Variants in CTNNA2 observed in about 807,000 individuals in gnomAD.
CTNNA2 encodes the protein catenin alpha-2.
CTNNA2 carries 42 observed loss-of-function variants against 101.0 expected under a neutral mutation model. That is an observed-to-expected ratio of 0.42 (90% CI 0.32 to 0.54). CTNNA2 has a LOEUF of 0.54. Ranked by LOEUF, CTNNA2 falls within the 20% of genes least tolerant of loss-of-function variation. The pLI is 0.14. For synonymous variants in CTNNA2, 450 were observed against 456.4 expected (o/e 0.99, Z 0.18); for missense variants, 871 against 1,223.1 (o/e 0.71, Z 4.29).
intron 2 of CTNNA2, among the ~76,000 whole-genome samples, chr2:79,656,109 A>T (rs1161340938): frequency 6.6e-6 from 1 of 152,164 alleles, no homozygotes; most frequent in African/African-American, 2.4e-5. Context: ...AAAATTAAAT[A>T]TGTGAATTTT....
intron 2 of CTNNA2, among the ~76,000 whole-genome samples, chr2:79,678,642 C>T (rs1164353876): frequency 1.3e-5 from 2 of 152,102 alleles, no homozygotes. Context: ...GCTAGTCTCC[C>T]ATTTTCATTT....
intron 9 of CTNNA2, among the ~76,000 whole-genome samples, chr2:80,526,104 C>G (rs1198417358): frequency 6.6e-6 from 1 of 152,164 alleles, no homozygotes; most frequent in Non-Finnish European, 1.5e-5. Context: ...CTAGAATGTG[C>G]TTTGAAGTTA....
intron 3 of CTNNA2, among the ~76,000 whole-genome samples, chr2:79,334,633 G>A (rs1676953027): frequency 6.6e-6 from 1 of 151,860 alleles, no homozygotes; most frequent in Non-Finnish European, 1.5e-5. Flanking sequence ...ATGGAGGGAG[G>A]GAGGAAGAAA....
At chr2:80,216,030 C>T (rs1344357722) in intron 7 of CTNNA2, among the ~76,000 whole-genome samples, 3 of 152,208 alleles carry the variant, frequency 2.0e-5, no homozygotes, top group South Asian at 2.1e-4. Flanking sequence ...TAGCAGTGAG[C>T]GAGGCTCCAT....
chr2:80,308,116 G>A (rs1000068918), intron 7 of CTNNA2, among the ~76,000 whole-genome samples: 5 of 152,168 alleles, frequency 3.3e-5, no homozygotes, highest in African/African-American at 1.2e-4. Context: ...GTTTTTCGTG[G>A]TACTCTATGT....
chr2:79,579,481 C>T (rs1676014862), intron 1 of CTNNA2, among the ~76,000 whole-genome samples: 1 of 152,176 alleles, frequency 6.6e-6, no homozygotes, highest in South Asian at 2.1e-4. Flanking sequence ...AATCTTTCCT[C>T]ACCCTCCCTT....
At chr2:80,106,158 C>A (rs1365223688) in intron 7 of CTNNA2, among the ~76,000 whole-genome samples, 1 of 152,146 alleles carries the variant, frequency 6.6e-6, no homozygotes, top group Non-Finnish European at 1.5e-5. Flanking sequence ...ATAGGCAGCA[C>A]AGGCACAGCC....
intron 9 of CTNNA2, among the ~76,000 whole-genome samples, chr2:80,537,193 G>C (rs987208452): frequency 2.0e-5 from 3 of 152,016 alleles, no homozygotes; most frequent in Non-Finnish European, 1.5e-5. Context: ...TTCTGTTCCT[G>C]TGTTAGTTTG....
chr2:80,133,775 A>G (rs896292719), intron 7 of CTNNA2, among the ~76,000 whole-genome samples: 1 of 152,192 alleles, frequency 6.6e-6, no homozygotes, highest in Non-Finnish European at 1.5e-5. Context: ...AATTTTCTCT[A>G]TATGACTAAG....
chr2:79,466,468 CA>C (rs2104541367), intron 4 of CTNNA2, among the ~76,000 whole-genome samples: 1 of 152,352 alleles, frequency 6.6e-6, no homozygotes, highest in South Asian at 2.1e-4. Context: ...CATAGCCAAA[CA>C]AAAGGCAGCA....
chr2:80,363,578 C>T (rs746256158), intron 7 of CTNNA2, among the ~76,000 whole-genome samples: 2 of 152,086 alleles, frequency 1.3e-5, no homozygotes, highest in African/African-American at 2.4e-5. Context: ...AACAAGATGT[C>T]GAATCAAAGC....
intron 7 of CTNNA2, among the ~76,000 whole-genome samples, chr2:80,184,333 TAAAG>T: frequency 6.6e-6 from 1 of 152,278 alleles, no homozygotes; most frequent in East Asian, 1.9e-4. Context: ...TTAAGTGTGA[TAAAG>T]AAATAATAAT....
chr2:80,522,551 C>T (rs1180684716), intron 9 of CTNNA2, among the ~76,000 whole-genome samples: 1 of 152,088 alleles, frequency 6.6e-6, no homozygotes, highest in Non-Finnish European at 1.5e-5. Flanking sequence ...GTTTTCTATC[C>T]TGGAGATTTT....
chr2:80,542,643 ATTG>A (rs1463085494), intron 9 of CTNNA2, among the ~76,000 whole-genome samples: 1 of 151,948 alleles, frequency 6.6e-6, no homozygotes, highest in Non-Finnish European at 1.5e-5. Context: ...AAGTTTTCAT[ATTG>A]TTGTGCTAAA....
At chr2:80,478,162 T>A (rs2149495157) in intron 9 of CTNNA2, among the ~76,000 whole-genome samples, 1 of 152,208 alleles carries the variant, frequency 6.6e-6, no homozygotes, top group Non-Finnish European at 1.5e-5. Context: ...GAGCATTTTT[T>A]ATATGTTTAT....
chr2:79,227,061 T>C (rs1674425716), intron 2 of CTNNA2, among the ~76,000 whole-genome samples: 1 of 152,108 alleles, frequency 6.6e-6, no homozygotes, highest in Admixed American at 6.5e-5. Context: ...ATGTTAAAAA[T>C]GAAAATATAC....
intron 9 of CTNNA2, among the ~76,000 whole-genome samples, chr2:80,478,611 C>A (rs1367855678): frequency 6.6e-6 from 1 of 152,066 alleles, no homozygotes; most frequent in African/African-American, 2.4e-5. Context: ...GTTATTTTCC[C>A]AGCACTATTT....
intron 18 of CTNNA2, among the ~76,000 whole-genome samples, chr2:80,624,139 T>G (rs1671426572): frequency 6.6e-6 from 1 of 151,924 alleles, no homozygotes; most frequent in South Asian, 2.1e-4. Flanking sequence ...TTCCAAGTTG[T>G]GCCAAGATAA....
chr2:79,457,036 C>A (rs748989378), intron 4 of CTNNA2, among the ~76,000 whole-genome samples: 3 of 151,606 alleles, frequency 2.0e-5, no homozygotes, highest in Non-Finnish European at 4.4e-5. Context: ...CCCGTCACTA[C>A]TAAAATACAA....
Sources: allele counts gnomAD v4.1 joint callset (sites outside exome capture counted in the v4.1 genomes callset), GRCh38; gene constraint gnomAD v4.1.1; transcripts MANE v1.5; gene names NCBI Gene and HGNC (gene_info 2026-07-23, HGNC 2026-07-21).